Variants in NT5DC1 observed in about 807,000 individuals in gnomAD.
NT5DC1 encodes the protein 5'-nucleotidase domain containing 1.
In NT5DC1, 42 loss-of-function variants were observed where a neutral mutation model predicts 59.4. That is an observed-to-expected ratio of 0.71 (90% CI 0.55 to 0.92). The LOEUF (loss-of-function observed/expected upper bound fraction) is 0.92, where lower values mean the gene tolerates loss of function less well. Among genes scored for constraint, NT5DC1 ranks in the 40% least tolerant of loss-of-function variants. The pLI, the probability that NT5DC1 is intolerant of heterozygous loss-of-function variation, is 0.00. For synonymous variants in NT5DC1, 172 were observed against 188.1 expected (o/e 0.91, Z 0.70); for missense variants, 501 against 537.1 (o/e 0.93, Z 0.66).
intron 6 of NT5DC1, among the ~76,000 whole-genome samples, chr6:116,187,274 C>T (rs773413267): frequency 2.0e-5 from 3 of 151,956 alleles, no homozygotes; most frequent in Non-Finnish European, 2.9e-5. Flanking sequence ...AGCAGGGGAG[C>T]GAAGTGGACT....
intron 6 of NT5DC1, among the ~76,000 whole-genome samples, chr6:116,135,472 C>T (rs931688582): frequency 6.6e-6 from 1 of 151,470 alleles, no homozygotes; most frequent in Non-Finnish European, 1.5e-5. Context: ...TTGGTAGAGC[C>T]CTCAGTTCTG....
intron 6 of NT5DC1, among the ~76,000 whole-genome samples, chr6:116,186,555 G>A (rs763241164): frequency 1.3e-5 from 2 of 151,868 alleles, no homozygotes; most frequent in Non-Finnish European, 2.9e-5. Flanking sequence ...CAAACTTATT[G>A]GAGGCTTTGT....
intron 6 of NT5DC1, among the ~76,000 whole-genome samples, chr6:116,128,907 A>G (rs1338768324): frequency 6.6e-6 from 1 of 152,094 alleles, no homozygotes; most frequent in Non-Finnish European, 1.5e-5. Context: ...ATTTGTGTTC[A>G]TATGCTTTTT....
rs1771869118 is a variant in NT5DC1 at position 116,247,375 on chromosome 6, C to T, written c.*3351C>T. 6.6e-6 allele frequency: 1 copy of T among 152,122 alleles called. No individual in the cohort carries two copies. The highest frequency in any genetic ancestry group is 2.4e-5 in the African/African-American group (1 of 41,420). The allele number at this position is 152,122 out of a possible 1,614,324, so 9.4% of individuals were successfully genotyped here. ...ATAATGAGTCTGTTCCTCTTGGAAG[C>T]CACACATGTCAAGGTCATCAGTAAG... On this transcript the variant is annotated 3_prime_UTR_variant, in exon 12 of 12. Transcript: ENST00000319550.
In NT5DC1 at chr6:116,182,670, C is replaced by A. The variant is rs181163385; in HGVS notation, c.530-38384C>A. Among the ~76,000 whole-genome samples the A allele has an allele frequency of 1.5e-3, 224 of 151,946 alleles. 2 individuals are homozygous for A. The highest frequency in any genetic ancestry group is 1.3e-4 in the Non-Finnish European group (9 of 67,912). On this transcript the variant is annotated intron_variant, in intron 6 of 11. Transcript: ENST00000319550. ...AGCATTTTGTTACATGTTTGTTGTC[C>A]ATTTGTATATCTTCTTTTTAGAATT...
Position 116,108,408 on chromosome 6 carries a change from A to C in NT5DC1, c.230A>C (p.Lys77Thr), listed in dbSNP as rs1778806679. 3.7e-6 allele frequency: 6 copies of C among 1,609,536 alleles called. No homozygotes were observed. Among genetic ancestry groups the C allele is most frequent in the African/African-American group, 1.3e-5 (1 of 74,944 alleles). ...ALDLEDGNFL[K>T]LANNGTVLRA... ...GATCTAGAAGATGGGAACTTCCTTA[A>C]ACTTGCAAATAATGGCACTGTTCTC... is the stretch of plus-strand genomic sequence containing the variant. The change falls in exon 3 of 12, where the codon AAA becomes ACA. Residue 77 changes from lysine to threonine, a missense_variant. Coordinates refer to ENST00000319550, the MANE Select transcript of NT5DC1 (RefSeq NM_152729.3).
At chr6:116,120,893 G>A in intron 6 of NT5DC1, 1 of 1,613,936 alleles carries the variant, frequency 6.2e-7, no homozygotes, top group Non-Finnish European at 8.5e-7. Context: ...ATCACCTTTT[G>A]GACCTGGTAA....
At chr6:116,123,121 T>C (rs1030532299) in intron 6 of NT5DC1, among the ~76,000 whole-genome samples, 6 of 152,210 alleles carry the variant, frequency 3.9e-5, no homozygotes, top group Non-Finnish European at 5.9e-5. Context: ...GAGCTTTGCT[T>C]TAGAATCTGA....
At chr6:116,235,292 A>G (rs1413418960) in intron 8 of NT5DC1, among the ~76,000 whole-genome samples, 2 of 152,176 alleles carry the variant, frequency 1.3e-5, no homozygotes, top group East Asian at 1.9e-4. Flanking sequence ...ATGAGAAGTG[A>G]TCACTTTTTA....
chr6:116,159,782 C>T (rs75953568), intron 6 of NT5DC1, among the ~76,000 whole-genome samples: 4,866 of 152,228 alleles, frequency 0.032, 276 homozygotes, highest in African/African-American at 0.11. Context: ...TTTCCCCCAG[C>T]CCCCACCTTT....
Position 116,110,596 on chromosome 6 carries a change from T to C in NT5DC1, c.258-254T>C. ...ACAACTTCTCTAAAAAAGGGTGGTA[T>C]CTTATCCAGTGTTGACCTCAGAGTG... On this transcript the variant is annotated intron_variant, in intron 3 of 11. Transcript: ENST00000319550. 8.9e-6 allele frequency: 5 copies of C among 559,240 alleles called. No individual in the cohort carries two copies. In the South Asian group the frequency reaches 9.8e-5, roughly 11 times the overall value. The allele number at this position is 559,240 out of a possible 1,614,324, so 34.6% of individuals were successfully genotyped here.
rs1771888876 is a variant in NT5DC1 at position 116,248,515 on chromosome 6, A to T, written c.*4491A>T. On this transcript the variant is annotated 3_prime_UTR_variant, in exon 12 of 12. Transcript: ENST00000319550. ...AAGGACGTTGAGTTAACTGGAGATAAAGCAGCAGCACGAGGAGTAATGGGG... is the reference window on the plus strand; with the variant it reads ...AAGGACGTTGAGTTAACTGGAGATATAGCAGCAGCACGAGGAGTAATGGGG... The T allele has an allele frequency of 1.3e-5, 2 of 152,230 alleles. No individual in the cohort carries two copies. The highest frequency in any genetic ancestry group is 4.8e-5 in the African/African-American group (2 of 41,442). The allele number at this position is 152,230 out of a possible 1,614,324, so 9.4% of individuals were successfully genotyped here. A position where few individuals can be genotyped will look rare whatever the true frequency, so the allele number is the denominator to read the frequency against.
At chr6:116,131,167 A>G (rs1452025455) in intron 6 of NT5DC1, among the ~76,000 whole-genome samples, 3 of 152,220 alleles carry the variant, frequency 2.0e-5, no homozygotes, top group Non-Finnish European at 4.4e-5. Flanking sequence ...TCTCCGTGGT[A>G]TGGTCAGTTT....
chr6:116,223,525 G>T (rs1218705133), intron 8 of NT5DC1, among the ~76,000 whole-genome samples: 2 of 152,188 alleles, frequency 1.3e-5, no homozygotes, highest in African/African-American at 4.8e-5. Context: ...TTCCTGAAAG[G>T]TTATTTAGAA....
chr6:116,226,077 T>C (rs9488873), intron 8 of NT5DC1, among the ~76,000 whole-genome samples: 34,808 of 152,132 alleles, frequency 0.23, 4,252 homozygotes, highest in East Asian at 0.31. Context: ...TAGGTTGATG[T>C]TGTTTTTATA....
chr6:116,108,801 A>G (rs493467), intron 3 of NT5DC1, among the ~76,000 whole-genome samples: 91,684 of 152,056 alleles, frequency 0.6, 28,002 homozygotes, highest in South Asian at 0.79. Context: ...TTTTGTTAAG[A>G]AAGAAAGAAT....
chr6:116,194,285 A>G (rs940218424), intron 6 of NT5DC1, among the ~76,000 whole-genome samples: 1 of 152,098 alleles, frequency 6.6e-6, no homozygotes, highest in Non-Finnish European at 1.5e-5. Flanking sequence ...TAAAAATAGA[A>G]ATGCAATTCT....
At chr6:116,102,434 C>A (rs946971833) in intron 1 of NT5DC1, among the ~76,000 whole-genome samples, 6 of 152,188 alleles carry the variant, frequency 3.9e-5, no homozygotes, top group African/African-American at 1.4e-4. Flanking sequence ...GATTCTTTGG[C>A]CACTGCTTCC....
chr6:116,205,577 T>TC (rs1269685182), intron 6 of NT5DC1, among the ~76,000 whole-genome samples: 4 of 151,364 alleles, frequency 2.6e-5, no homozygotes, highest in African/African-American at 9.8e-5. Flanking sequence ...CAAAGGAAAT[T>TC]CCTTAAATAT....
Sources: allele counts gnomAD v4.1 joint callset (sites outside exome capture counted in the v4.1 genomes callset), GRCh38; gene constraint gnomAD v4.1.1; transcripts MANE v1.5; gene names NCBI Gene and HGNC (gene_info 2026-07-23, HGNC 2026-07-21).